Variants in LRRC66 observed in about 807,000 individuals in gnomAD.
LRRC66 encodes leucine rich repeat containing 66.
A neutral mutation model predicts 24.6 loss-of-function variants in LRRC66; 29 were observed. The ratio of observed to expected loss-of-function variants is 1.18; its 90% CI spans 0.88 to 1.61. The LOEUF is 1.61. LRRC66 is among the 40% of genes most tolerant of loss of function. LRRC66 has a pLI of 0.00. For missense variants in LRRC66, 1,124 were observed against 1,058.0 expected (o/e 1.06, Z -0.87); for synonymous variants, 411 against 397.6 (o/e 1.03, Z -0.40).
intron 3 of LRRC66, among the ~76,000 whole-genome samples, chr4:52,000,858 C>G (rs1341152981): frequency 1.3e-5 from 2 of 152,076 alleles, no homozygotes; most frequent in Admixed American, 1.3e-4. Flanking sequence ...AAGTGGAGGC[C>G]CCAGGTAAGC....
intron 3 of LRRC66, among the ~76,000 whole-genome samples, chr4:51,999,931 C>CA (rs2110193997): frequency 6.6e-6 from 1 of 152,250 alleles, no homozygotes; most frequent in South Asian, 2.1e-4. Context: ...TATTTCATCC[C>CA]ATCAAAGCAT....
Position 51,994,407 on chromosome 4 carries a change from T to A in LRRC66, c.2615A>T (p.His872Leu). 1.2e-6 allele frequency: 2 copies of A among 1,612,398 alleles called. No homozygotes were observed. The highest frequency in any genetic ancestry group is 2.2e-5 in the East Asian group (1 of 44,870). Residue 872 changes from histidine (H) to leucine (L), a missense_variant, in exon 5 of 5, where the codon CAT becomes CTT. His to Leu is a moderately conservative substitution (Grantham distance 99). Coordinates refer to ENST00000682860, the MANE Select transcript of LRRC66 (RefSeq NM_001024611.3). Reference protein sequence around the residue: ...VPSDPDKAAFHERDSDILK With the variant: ...VPSDPDKAAFLERDSDILK Reference sequence around the variant, plus strand: ...TTTTAAAATGTCTGAGTCTCTTTCATGGAAGGCAGCCTTATCAGGATCTGA... The same window carrying A: ...TTTTAAAATGTCTGAGTCTCTTTCAAGGAAGGCAGCCTTATCAGGATCTGA...
intron 1 of LRRC66, among the ~76,000 whole-genome samples, chr4:52,019,297 T>C (rs1183108272): frequency 2.0e-5 from 3 of 152,242 alleles, no homozygotes; most frequent in Non-Finnish European, 4.4e-5. Flanking sequence ...ACTGAAGGAA[T>C]TGATACACAT....
In LRRC66 at chr4:52,017,589, T is replaced by C. The variant is rs965178414; in HGVS notation, c.25A>G (p.Ile9Val). 7 of 1,586,068 alleles carry C rather than the reference T, an allele frequency of 4.4e-6. No homozygotes were observed. Among genetic ancestry groups the C allele is most frequent in the Non-Finnish European group, 6.0e-6 (7 of 1,171,332 alleles). Residue 9 changes from isoleucine (I) to valine (V), a missense_variant, in exon 2 of 5, where the codon ATT becomes GTT. Transcript: ENST00000682860. MKNLYFRV[I>V]TIVIGLYFTG... ...AAATAAAGACCTATAACTATGGTAA[T>C]GACTCTGAAATAGAGGTTTTTCATA...
At chr4:52,002,786 C>T (rs1022926271) in intron 3 of LRRC66, among the ~76,000 whole-genome samples, 1 of 152,176 alleles carries the variant, frequency 6.6e-6, no homozygotes, top group South Asian at 2.1e-4. Context: ...ATCTAGTCCA[C>T]GGTTGTTGAC....
chr4:51,996,050 G>C lies in LRRC66; in HGVS notation c.972C>G (p.Pro324=). 1 of 1,613,868 alleles carries C rather than the reference G, an allele frequency of 6.2e-7. No homozygotes were observed. The highest frequency in any genetic ancestry group is 8.5e-7 in the Non-Finnish European group (1 of 1,179,978). The change falls in exon 5 of 5, where the codon CCC becomes CCG. Residue 324 remains proline, a synonymous_variant. Transcript: ENST00000682860. The stretch of plus-strand genomic sequence containing the variant: ...AAATGCCCGTGTGCCTTCCTCCCTG[G>C]GGCCTCTCTGCTTTGCTCCTTATGA... The part of the protein sequence containing the change: ...KSLIRSKAER[P]QGGRHTGIST...
intron 2 of LRRC66, 94 bp from the exon 3 acceptor site, chr4:52,003,486 T>C: frequency 9.6e-7 from 1 of 1,037,388 alleles, no homozygotes; most frequent in South Asian, 1.5e-5. Flanking sequence ...ACATTAAGAG[T>C]TCTCAATTGA....
At chr4:52,005,048 G>A (rs145329919) in intron 2 of LRRC66, among the ~76,000 whole-genome samples, 33 of 152,302 alleles carry the variant, frequency 2.2e-4, no homozygotes, top group Admixed American at 7.8e-4. Flanking sequence ...AGATGATCAA[G>A]TCCCTTCAGG....
chr4:51,997,691 T>C, intron 4 of LRRC66, 57 bp downstream of exon 4: 1 of 1,467,166 alleles, frequency 6.8e-7, no homozygotes, highest in African/African-American at 1.4e-5. Context: ...GACTAAAATG[T>C]CTATGTGCAT....
In LRRC66 at chr4:51,996,079, T is replaced by G; in HGVS notation, c.943A>C (p.Ser315Arg). The G allele has an allele frequency of 4.3e-6, 7 of 1,614,078 alleles. No individual in the cohort carries two copies. Among genetic ancestry groups the G allele is most frequent in the Non-Finnish European group, 5.9e-6 (7 of 1,180,020 alleles). Residue 315 changes from serine to arginine, a missense_variant, in exon 5 of 5, where the codon AGC becomes CGC. Ser to Arg is a moderately radical substitution (Grantham distance 110). Transcript: ENST00000682860. ...CTCTCTGCTTTGCTCCTTATGAGGC[T>G]TTTCATGCGATGCAGATGAATGGGA... ...LPPIHLHRMK[S>R]LIRSKAERPQ...
intron 3 of LRRC66, among the ~76,000 whole-genome samples, chr4:52,002,276 T>C (rs1230368481): frequency 1.3e-5 from 2 of 152,208 alleles, no homozygotes; most frequent in Admixed American, 6.5e-5. Context: ...TACTGGAACA[T>C]CTAAAATTGC....
In LRRC66 at chr4:52,003,293, T is replaced by C; in HGVS notation, c.596A>G (p.Asn199Ser). 1 of 1,614,022 alleles carries C rather than the reference T, an allele frequency of 6.2e-7. No individual in the cohort carries two copies. The highest frequency in any genetic ancestry group is 8.5e-7 in the Non-Finnish European group (1 of 1,179,936). ...TATCTTGTTGCTCTTTAAACAGAGA[T>C]TCTCCAGTTGCAGGCAGTTGTGAAA... ...SDFHNCLQLE[N>S]LCLKSNKIFK... Residue 199 changes from asparagine to serine, a missense_variant, in exon 3 of 5, where the codon AAT becomes AGT. Asn to Ser is a conservative substitution (Grantham distance 46). Coordinates refer to ENST00000682860, the MANE Select transcript of LRRC66 (RefSeq NM_001024611.3).
In LRRC66 at chr4:52,017,058, A is replaced by T. The variant is rs571278555; in HGVS notation, c.496+60T>A. The T allele has an allele frequency of 2.6e-6, 4 of 1,516,162 alleles. No individual in the cohort carries two copies. The African/African-American group carries it at 5.6e-5, about 21-fold the overall frequency. 93.9% of individuals were successfully genotyped at this position (1,516,162 alleles called of 1,614,324 possible). On this transcript the variant is annotated intron_variant, in intron 2 of 4. Transcript: ENST00000682860. ...ACCTGAAAACAAATGTGGAATTCTT[A>T]TGAACATGAAACAACTCCACGTAAG...
intron 2 of LRRC66, among the ~76,000 whole-genome samples, chr4:52,013,205 G>A (rs555580808): frequency 1.1e-4 from 16 of 152,246 alleles, no homozygotes; most frequent in Admixed American, 1.0e-3. Context: ...TAGCAATCAG[G>A]ATGAAATCTT....
chr4:51,997,969 T>G (rs1322168981), intron 3 of LRRC66, 32 bp from the exon 4 acceptor site: 14 of 1,574,150 alleles, frequency 8.9e-6, no homozygotes, highest in Non-Finnish European at 1.2e-5. Context: ...TAGGATGGTC[T>G]GTGGATAAAG....
intron 1 of LRRC66, chr4:52,018,434 T>C: frequency 1.0e-6 from 1 of 985,388 alleles, no homozygotes. Context: ...TAAAAGCCAC[T>C]GTGTGTACAA....
At position 51,995,507 on chromosome 4, in the gene LRRC66, G is replaced by C. The variant is rs752438130; in HGVS notation, c.1515C>G (p.Val505=). The change falls in exon 5 of 5, where the codon GTC becomes GTG. Residue 505 remains valine, a synonymous_variant. Coordinates refer to ENST00000682860, the MANE Select transcript of LRRC66 (RefSeq NM_001024611.3). The part of the protein sequence containing the change: ...TGAGSGNDGA[V]YSILQRHPHA... ...GTGGATGTCTCTGGAGAATGGAATA[G>C]ACTGCACCATCATTTCCACTTCCTG... The C allele has an allele frequency of 6.2e-7, 1 of 1,614,100 alleles. No individual in the cohort carries two copies. Among genetic ancestry groups the C allele is most frequent in the Non-Finnish European group, 8.5e-7 (1 of 1,179,994 alleles).
chr4:51,995,446 C>T lies in LRRC66; in HGVS notation c.1576G>A (p.Asp526Asn). The T allele has an allele frequency of 2.5e-6, 4 of 1,614,094 alleles. No homozygotes were observed. The highest frequency in any genetic ancestry group is 3.4e-6 in the Non-Finnish European group (4 of 1,180,034). ...AGAATATCATTCCTATGGATGTGGT[C>T]CTGCGCTGCTGACATTAGTTCACGG... ...GNRELMSAAQ[D>N]HIHRNDILGE... The change falls in exon 5 of 5, where the codon GAC (aspartate) becomes AAC (asparagine). Residue 526 changes from aspartate to asparagine, a missense_variant. Physicochemically the swap from Asp to Asn is conservative, Grantham distance 23. Coordinates refer to ENST00000682860, the MANE Select transcript of LRRC66 (RefSeq NM_001024611.3).
At chr4:51,997,471 C>G (rs1736346644) in intron 4 of LRRC66, among the ~76,000 whole-genome samples, 1 of 152,216 alleles carries the variant, frequency 6.6e-6, no homozygotes, top group African/African-American at 2.4e-5. Context: ...CAGAACAAAA[C>G]TCACTTCTAG....
Sources: allele counts gnomAD v4.1 joint callset (sites outside exome capture counted in the v4.1 genomes callset), GRCh38; gene constraint gnomAD v4.1.1; transcripts MANE v1.5; gene names NCBI Gene and HGNC (gene_info 2026-07-23, HGNC 2026-07-21).